Variants in ZNF227 observed in about 807,000 individuals in gnomAD.
ZNF227 encodes the protein zinc finger protein 227.
ZNF227 carries 12 observed loss-of-function variants against 13.2 expected under a neutral mutation model. The ratio of observed to expected loss-of-function variants is 0.91; its 90% confidence interval spans 0.58 to 1.47. The LOEUF (loss-of-function observed/expected upper bound fraction) is 1.47. Ranked by LOEUF, ZNF227 falls within the 40% of genes most tolerant of loss-of-function variation. The pLI is 0.00. For missense variants in ZNF227, 885 were observed against 967.5 expected, an observed-to-expected ratio of 0.91 and a Z score of 1.13; for synonymous variants, 338 against 326.0, an observed-to-expected ratio of 1.04 and a Z score of -0.40.
chr19:44,228,232 A>ATTTTT (rs1192856296), intron 3 of ZNF227: 2 of 473,344 alleles, frequency 4.2e-6, no homozygotes, highest in East Asian at 7.8e-5. Context: ...CCATCTCAAA[A>ATTTTT]AAGAAAAAAA....
At chr19:44,233,923 C>T (rs1022087620) in intron 5 of ZNF227, among the ~76,000 whole-genome samples, 3 of 151,912 alleles carry the variant, frequency 2.0e-5, no homozygotes, top group Non-Finnish European at 2.9e-5. Context: ...ATGGTGGTAC[C>T]GTTGATTTAT....
chr19:44,224,552 G>A (rs534235020), intron 3 of ZNF227, among the ~76,000 whole-genome samples: 99 of 152,110 alleles, frequency 6.5e-4, no homozygotes, highest in Admixed American at 1.6e-3. Context: ...ATCTTTGTTG[G>A]TTTAAAGTCT....
chr19:44,228,967 T>C (rs1486348978), intron 4 of ZNF227: 3 of 262,368 alleles, frequency 1.1e-5, no homozygotes, highest in Non-Finnish European at 2.1e-5. Context: ...CAAAACCCTG[T>C]TTTAAATGAA....
intron 5 of ZNF227, among the ~76,000 whole-genome samples, chr19:44,230,926 A>AAAAATAT (rs1555792168): frequency 5.9e-5 from 4 of 68,116 alleles, no homozygotes; most frequent in African/African-American, 3.9e-4. Flanking sequence ...AAAAAAAAAA[A>AAAAATAT]ATATATATAT....
chr19:44,217,960 G>A, intron 3 of ZNF227, 108 bp downstream of exon 3: 1 of 1,279,290 alleles, frequency 7.8e-7, no homozygotes, highest in South Asian at 1.3e-5. Context: ...AGATATTCAG[G>A]ACATGTGGTA....
chr19:44,217,532 G>A (rs2122702024), intron 2 of ZNF227: 1 of 660,492 alleles, frequency 1.5e-6, no homozygotes, highest in Middle Eastern at 2.4e-4. Context: ...CTCATATGTT[G>A]TTACATTGCC....
Position 44,236,560 on chromosome 19 carries a change from C to T in ZNF227, c.2130C>T (p.His710=), listed in dbSNP as rs143522537. 287 of 1,614,012 alleles carry T rather than the reference C, an allele frequency of 1.8e-4. No individual in the cohort carries two copies. In the African/African-American group the frequency reaches 2.7e-3, roughly 15 times the overall value. ...SLNLRHHQRV[H]TGEKPHICEE... is the part of the protein sequence containing the mutation. ...ATCTTCGCCATCATCAGAGGGTCCACACGGGAGAGAAACCCCATATATGTG... is the reference window on the plus strand; with the variant it reads ...ATCTTCGCCATCATCAGAGGGTCCATACGGGAGAGAAACCCCATATATGTG... The change falls in exon 6 of 6, where the codon CAC becomes CAT. Residue 710 remains histidine, a synonymous_variant. Coordinates refer to ENST00000313040, the MANE Select transcript of ZNF227 (RefSeq NM_182490.3).
chr19:44,234,848 C>T lies in ZNF227; in HGVS notation c.418C>T (p.Gln140Ter). The change falls in exon 6 of 6, where the codon CAA (glutamine) becomes TAA (stop). Residue 140 changes from glutamine to a stop codon, truncating the protein, a stop_gained. Transcript: ENST00000313040. LOFTEE classifies it low-confidence loss of function (END_TRUNC). ...CLQGKSSQLL[Q>*]GDSIQVSENE... The stretch of plus-strand genomic sequence containing the variant: ...TCAGGGGAAGAGTTCCCAGTTATTA[C>T]AAGGTGACTCTATTCAGGTTTCTGA... 2.5e-6 allele frequency: 4 copies of T among 1,614,060 alleles called. No individual in the cohort carries two copies. Among genetic ancestry groups the T allele is most frequent in the Non-Finnish European group, 3.4e-6 (4 of 1,180,006 alleles).
chr19:44,233,231 A>G (rs1374166938), intron 5 of ZNF227, among the ~76,000 whole-genome samples: 1 of 152,144 alleles, frequency 6.6e-6, no homozygotes, highest in Non-Finnish European at 1.5e-5. Flanking sequence ...GACCCTCAAC[A>G]TAAGTATAAT....
At chr19:44,226,875 T>A (rs552090025) in intron 3 of ZNF227, among the ~76,000 whole-genome samples, 5 of 152,336 alleles carry the variant, frequency 3.3e-5, no homozygotes, top group African/African-American at 1.2e-4. Flanking sequence ...TTGCTCATGC[T>A]GGGAGCTGTA....
At chr19:44,218,998 C>T (rs1972168420) in intron 3 of ZNF227, among the ~76,000 whole-genome samples, 2 of 152,210 alleles carry the variant, frequency 1.3e-5, no homozygotes, top group Admixed American at 6.5e-5. Context: ...AGCGATTCTC[C>T]TGCCTCAGCC....
intron 5 of ZNF227, among the ~76,000 whole-genome samples, chr19:44,230,213 C>T (rs1442894141): frequency 6.6e-6 from 1 of 152,118 alleles, no homozygotes; most frequent in Non-Finnish European, 1.5e-5. Context: ...TGAGGTCTTG[C>T]TGTGTTGCCC....
intron 2 of ZNF227, among the ~76,000 whole-genome samples, chr19:44,217,212 C>T (rs1971984602): frequency 6.6e-6 from 1 of 152,038 alleles, no homozygotes; most frequent in Non-Finnish European, 1.5e-5. Flanking sequence ...GATCCTCCCT[C>T]CTTGGCCTCC....
At chr19:44,224,189 C>G (rs1972852694) in intron 3 of ZNF227, among the ~76,000 whole-genome samples, 1 of 152,080 alleles carries the variant, frequency 6.6e-6, no homozygotes, top group African/African-American at 2.4e-5. Flanking sequence ...TTACTTCCAA[C>G]TATGTGGTCA....
chr19:44,210,637 C>G (rs1971318116), upstream of ZNF227, among the ~76,000 whole-genome samples: 1 of 152,132 alleles, frequency 6.6e-6, no homozygotes, highest in Admixed American at 6.5e-5. Context: ...ACACCAAATA[C>G]AAAGAATTAG....
In ZNF227 at chr19:44,236,126, C is replaced by T; in HGVS notation, c.1696C>T (p.His566Tyr). 1 of 1,614,086 alleles carries T rather than the reference C, an allele frequency of 6.2e-7. No homozygotes were observed. The highest frequency in any genetic ancestry group is 8.5e-7 in the Non-Finnish European group (1 of 1,180,000). The part of the protein sequence containing the change: ...DFSYSSNLKL[H>Y]QVIHTGEKPY... ...CAGTTATAGTTCAAATCTTAAACTACACCAAGTAATTCACACTGGAGAAAA... is the reference window on the plus strand; with the variant it reads ...CAGTTATAGTTCAAATCTTAAACTATACCAAGTAATTCACACTGGAGAAAA... Residue 566 changes from histidine to tyrosine, a missense_variant, in exon 6 of 6, where the codon CAC (histidine) becomes TAC (tyrosine). Coordinates refer to ENST00000313040, the MANE Select transcript of ZNF227 (RefSeq NM_182490.3).
At chr19:44,210,950 T>C (rs752798102), upstream of ZNF227, among the ~76,000 whole-genome samples, 9 of 152,142 alleles carry the variant, frequency 5.9e-5, no homozygotes, top group African/African-American at 1.2e-4. Context: ...TCCTAGCACT[T>C]TGGGAGGCCG....
chr19:44,236,410 C>G lies in ZNF227; in HGVS notation c.1980C>G (p.Tyr660Ter). ...GAGTCCACACGGGGGAAAAGCCATACAAATGTGATGTGTGTGGAAAGGGCT... is the reference window on the plus strand; with the variant it reads ...GAGTCCACACGGGGGAAAAGCCATAGAAATGTGATGTGTGTGGAAAGGGCT... Reference protein sequence around the residue: ...HQRVHTGEKPYKCDVCGKGFR... With the variant: ...HQRVHTGEKP Residue 660 changes from tyrosine (Y) to a stop codon, truncating the protein, a stop_gained, in exon 6 of 6, where the codon TAC becomes TAG. Coordinates refer to ENST00000313040, the MANE Select transcript of ZNF227 (RefSeq NM_182490.3). LOFTEE classifies it low-confidence loss of function (END_TRUNC). 1.2e-6 allele frequency: 2 copies of G among 1,613,612 alleles called. No individual in the cohort carries two copies. Among genetic ancestry groups the G allele is most frequent in the Non-Finnish European group, 1.7e-6 (2 of 1,179,936 alleles).
chr19:44,209,230 C>T (rs1362584535), upstream of ZNF227, among the ~76,000 whole-genome samples: 4 of 152,268 alleles, frequency 2.6e-5, no homozygotes, highest in African/African-American at 9.6e-5. Flanking sequence ...ACCCCCACCC[C>T]GCCATCATTT....
Sources: allele counts gnomAD v4.1 joint callset (sites outside exome capture counted in the v4.1 genomes callset), GRCh38; gene constraint gnomAD v4.1.1; transcripts MANE v1.5; gene names NCBI Gene and HGNC (gene_info 2026-07-23, HGNC 2026-07-21).